The following PALLD variants were observed in gnomAD, a reference collection of about 807,000 sequenced individuals.
PALLD encodes palladin, cytoskeletal associated protein.
A neutral mutation model predicts 123.5 loss-of-function variants in PALLD; 61 were observed. The ratio of observed to expected loss-of-function variants is 0.49; its 90% confidence interval spans 0.40 to 0.61. The LOEUF (loss-of-function observed/expected upper bound fraction) is 0.61, where lower values mean the gene tolerates loss of function less well. Ranked by LOEUF, PALLD falls within the 20% of genes least tolerant of loss-of-function variation. PALLD has a pLI of 0.00. For synonymous variants in PALLD, 465 were observed against 496.4 expected (o/e 0.94, Z 0.84); for missense variants, 1,273 against 1,377.0 (o/e 0.92, Z 1.20).
chr4:168,700,230 A>G (rs868333864), intron 8 of PALLD: 1 of 153,268 alleles, frequency 6.5e-6, no homozygotes, highest in Non-Finnish European at 1.5e-5. Context: ...CCTGTGGGAC[A>G]TTGTATTCAA....
chr4:168,667,794 T>C (rs189480917), intron 2 of PALLD, among the ~76,000 whole-genome samples: 1 of 152,348 alleles, frequency 6.6e-6, no homozygotes, highest in East Asian at 1.9e-4. Context: ...ATATATTAAA[T>C]ATTTTGAGCA....
At chr4:168,904,526 CTTT>C (rs978505817) in intron 15 of PALLD, among the ~76,000 whole-genome samples, 3 of 151,992 alleles carry the variant, frequency 2.0e-5, no homozygotes, top group Admixed American at 2.0e-4. Flanking sequence ...CCTGCAAATT[CTTT>C]TTTATTATGT....
At chr4:168,664,914 G>A (rs1159057705) in intron 2 of PALLD, among the ~76,000 whole-genome samples, 4 of 152,192 alleles carry the variant, frequency 2.6e-5, no homozygotes, top group Non-Finnish European at 4.4e-5. Context: ...AACTAGCAAT[G>A]GCAGAGCAAA....
chr4:168,724,017 C>T (rs770967362), intron 10 of PALLD, among the ~76,000 whole-genome samples: 5 of 151,854 alleles, frequency 3.3e-5, no homozygotes, highest in Admixed American at 6.5e-5. Context: ...CTCAGCCTCC[C>T]GAATAGCTGG....
At chr4:168,867,159 A>G (rs1750405176) in intron 10 of PALLD, among the ~76,000 whole-genome samples, 1 of 152,218 alleles carries the variant, frequency 6.6e-6, no homozygotes, top group Non-Finnish European at 1.5e-5. Context: ...GGAGATAATA[A>G]AAGTGGCCTC....
In PALLD at chr4:168,511,442, G is replaced by A; in HGVS notation, c.-63G>A. Reference sequence around the variant, plus strand: ...TTTCAGAACACAGTTTCAGAAAACAGTTTCCAGTGCCTCTGGCCTTCCTAC... The same window carrying A: ...TTTCAGAACACAGTTTCAGAAAACAATTTCCAGTGCCTCTGGCCTTCCTAC... On this transcript the variant is annotated 5_prime_UTR_variant, in exon 2 of 22. Transcript: ENST00000505667. 3 of 1,256,308 alleles carry A rather than the reference G, an allele frequency of 2.4e-6. No individual in the cohort carries two copies. Among genetic ancestry groups the A allele is most frequent in the Non-Finnish European group, 3.5e-6 (3 of 858,262 alleles). 77.8% of individuals were successfully genotyped at this position (1,256,308 alleles called of 1,614,324 possible). A position where few individuals can be genotyped will look rare whatever the true frequency, so the allele number is the denominator to read the frequency against.
chr4:168,715,397 A>G (rs570190673), intron 10 of PALLD, among the ~76,000 whole-genome samples: 4 of 152,368 alleles, frequency 2.6e-5, no homozygotes, highest in Admixed American at 6.5e-5. Context: ...AACGCTGCAC[A>G]AGAAAAAATT....
intron 1 of PALLD, among the ~76,000 whole-genome samples, 179 bp downstream of exon 1, chr4:168,497,373 G>A (rs1223054708): frequency 2.0e-5 from 3 of 152,180 alleles, no homozygotes; most frequent in Non-Finnish European, 2.9e-5. Flanking sequence ...GCCAAAAACA[G>A]ATAATACGTA....
chr4:168,871,657 A>C (rs745678825), intron 10 of PALLD, among the ~76,000 whole-genome samples: 1 of 152,226 alleles, frequency 6.6e-6, no homozygotes, highest in Non-Finnish European at 1.5e-5. Context: ...TGGCCTTCGC[A>C]TCAGTAGAAA....
chr4:168,816,595 T>G (rs1350083917), intron 10 of PALLD, among the ~76,000 whole-genome samples: 1 of 151,940 alleles, frequency 6.6e-6, no homozygotes, highest in Non-Finnish European at 1.5e-5. Flanking sequence ...TGGTGGTGGT[T>G]GTTTTTAATA....
intron 2 of PALLD, among the ~76,000 whole-genome samples, chr4:168,666,901 T>C (rs1299985112): frequency 2.6e-5 from 4 of 152,106 alleles, no homozygotes; most frequent in African/African-American, 9.7e-5. Context: ...CTTCAAGACT[T>C]TATGACAACA....
chr4:168,834,139 AC>A (rs1406089113), intron 10 of PALLD, among the ~76,000 whole-genome samples: 1 of 151,988 alleles, frequency 6.6e-6, no homozygotes, highest in African/African-American at 2.4e-5. Context: ...GCCAACATCC[AC>A]ACCATCTCTG....
intron 10 of PALLD, among the ~76,000 whole-genome samples, chr4:168,852,267 T>C (rs1004985263): frequency 2.0e-5 from 3 of 152,138 alleles, no homozygotes; most frequent in African/African-American, 7.2e-5. Flanking sequence ...ATTCTTCTGT[T>C]TTAGGCCACA....
intron 1 of PALLD, among the ~76,000 whole-genome samples, chr4:168,498,772 T>A (rs569701435): frequency 5.9e-5 from 9 of 152,278 alleles, no homozygotes; most frequent in African/African-American, 2.2e-4. Context: ...TGAATTTAAG[T>A]GAGAAGAATA....
chr4:168,765,779 A>G (rs1243734966), intron 10 of PALLD, among the ~76,000 whole-genome samples: 2 of 151,594 alleles, frequency 1.3e-5, no homozygotes, highest in African/African-American at 4.9e-5. Context: ...GGATCTGGAT[A>G]TGTACTAGTG....
intron 2 of PALLD, among the ~76,000 whole-genome samples, chr4:168,557,982 A>G (rs1174243192): frequency 6.6e-6 from 1 of 152,116 alleles, no homozygotes; most frequent in African/African-American, 2.4e-5. Flanking sequence ...GGTCCTGGTG[A>G]TGGCTAAAAC....
chr4:168,499,831 G>C (rs1412258749), intron 1 of PALLD, among the ~76,000 whole-genome samples: 1 of 152,154 alleles, frequency 6.6e-6, no homozygotes, highest in Admixed American at 6.5e-5. Flanking sequence ...GGTATTAAGT[G>C]ATCCTTACTG....
intron 2 of PALLD, among the ~76,000 whole-genome samples, chr4:168,666,126 G>T (rs191613837): frequency 6.6e-6 from 1 of 152,090 alleles, no homozygotes; most frequent in Non-Finnish European, 1.5e-5. Context: ...AGGCTTGCAG[G>T]CTATAAGTTC....
In PALLD at chr4:168,767,125, C is replaced by T. The variant is rs1733773936; in HGVS notation, c.1964+55202C>T. On this transcript the variant is annotated intron_variant, in intron 10 of 21. Transcript: ENST00000505667. ...TTTCACAACCGGCCAAATAAGAGCC[C>T]AGGAAGTACTGGGACTGTAACAACC... Among the ~76,000 whole-genome samples, 4 of 152,272 alleles carry T rather than the reference C, an allele frequency of 2.6e-5. No homozygotes were observed. In the South Asian group the frequency reaches 8.3e-4, roughly 32 times the overall value.
Sources: allele counts gnomAD v4.1 joint callset (sites outside exome capture counted in the v4.1 genomes callset), GRCh38; gene constraint gnomAD v4.1.1; transcripts MANE v1.5; gene names NCBI Gene and HGNC (gene_info 2026-07-23, HGNC 2026-07-21).